Variants in BORCS5 observed in about 807,000 individuals in gnomAD.
BORCS5 encodes the protein BLOC-1 related complex subunit 5.
In BORCS5, 17 loss-of-function variants were observed where a neutral mutation model predicts 22.1. The ratio of observed to expected loss-of-function variants is 0.77; its 90% CI spans 0.53 to 1.15. BORCS5 has a LOEUF of 1.15. Among genes scored for constraint, BORCS5 ranks in the 50% most tolerant of loss-of-function variants. BORCS5 has a pLI of 0.00. For synonymous variants in BORCS5, 117 were observed against 99.8 expected (o/e 1.17, Z -1.03); for missense variants, 247 against 253.2 (o/e 0.98, Z 0.17).
At chr12:12,408,088 C>T (rs1333775901) in intron 2 of BORCS5, among the ~76,000 whole-genome samples, 1 of 152,178 alleles carries the variant, frequency 6.6e-6, no homozygotes, top group Non-Finnish European at 1.5e-5. Context: ...CTTCAGTTTA[C>T]CACAATTTTT....
chr12:12,405,705 A>G (rs1310278010), intron 2 of BORCS5, among the ~76,000 whole-genome samples: 3 of 152,228 alleles, frequency 2.0e-5, no homozygotes, highest in African/African-American at 4.8e-5. Flanking sequence ...TTAGTAAATT[A>G]TAATAATGTT....
chr12:12,424,178 G>C (rs541637621), intron 2 of BORCS5, among the ~76,000 whole-genome samples: 1 of 152,002 alleles, frequency 6.6e-6, no homozygotes, highest in African/African-American at 2.4e-5. Flanking sequence ...CAATGCATAC[G>C]GTTATCCACT....
At chr12:12,357,984 C>T (rs1476623580) in intron 1 of BORCS5, among the ~76,000 whole-genome samples, 3 of 152,188 alleles carry the variant, frequency 2.0e-5, no homozygotes, top group East Asian at 3.8e-4. Flanking sequence ...GCTTTTTCTT[C>T]TCAGAAGGTG....
intron 2 of BORCS5, among the ~76,000 whole-genome samples, chr12:12,368,509 A>G (rs376163658): frequency 6.6e-6 from 1 of 151,982 alleles, no homozygotes; most frequent in East Asian, 1.9e-4. Flanking sequence ...CAGTGGCACA[A>G]TCATAGCTCA....
intron 2 of BORCS5, among the ~76,000 whole-genome samples, chr12:12,409,141 G>T (rs28853875): frequency 0.33 from 50,402 of 151,656 alleles, 10,641 homozygotes; most frequent in African/African-American, 0.61. Flanking sequence ...GGTGTGAGGG[G>T]GCATCTCATT....
intron 3 of BORCS5, among the ~76,000 whole-genome samples, chr12:12,447,225 C>T (rs1219968083): frequency 2.0e-5 from 3 of 152,208 alleles, no homozygotes; most frequent in African/African-American, 4.8e-5. Flanking sequence ...TGTCCAGCCT[C>T]CACTCCTGCT....
At chr12:12,449,797 C>T (rs1178329659) in intron 3 of BORCS5, among the ~76,000 whole-genome samples, 1 of 152,184 alleles carries the variant, frequency 6.6e-6, no homozygotes, top group African/African-American at 2.4e-5. Flanking sequence ...CATTGTTTGT[C>T]ATTGTGCAAC....
chr12:12,378,244 C>T (rs1427162601), intron 2 of BORCS5, among the ~76,000 whole-genome samples: 2 of 151,904 alleles, frequency 1.3e-5, no homozygotes, highest in Non-Finnish European at 2.9e-5. Flanking sequence ...TGGTGGCGTG[C>T]GCCTGTAATC....
intron 3 of BORCS5, among the ~76,000 whole-genome samples, chr12:12,451,420 C>T (rs1219507133): frequency 6.6e-6 from 1 of 151,962 alleles, no homozygotes; most frequent in Non-Finnish European, 1.5e-5. Context: ...TACAAAACAC[C>T]AACACTTTAG....
intron 2 of BORCS5, among the ~76,000 whole-genome samples, chr12:12,417,732 T>C (rs1942006405): frequency 6.6e-6 from 1 of 152,148 alleles, no homozygotes; most frequent in East Asian, 1.9e-4. Flanking sequence ...CTTGGCTCAC[T>C]GCAACCTCTG....
intron 2 of BORCS5, among the ~76,000 whole-genome samples, chr12:12,424,943 C>T (rs987763517): frequency 2.0e-5 from 3 of 152,288 alleles, no homozygotes; most frequent in Middle Eastern, 6.8e-3. Context: ...CCCCTTTAAT[C>T]CTCTGAAAGT....
chr12:12,412,526 C>T (rs1941762249), intron 2 of BORCS5, among the ~76,000 whole-genome samples: 1 of 152,256 alleles, frequency 6.6e-6, no homozygotes, highest in African/African-American at 2.4e-5. Flanking sequence ...TTTTGTGGAA[C>T]ATTCAGGTTT....
intron 2 of BORCS5, among the ~76,000 whole-genome samples, chr12:12,369,393 T>C (rs2136026140): frequency 6.6e-6 from 1 of 152,328 alleles, no homozygotes; most frequent in East Asian, 1.9e-4. Context: ...TGCTTTTTAA[T>C]TGGTGTGTAA....
intron 2 of BORCS5, among the ~76,000 whole-genome samples, chr12:12,380,081 G>GAGCACATGCAACACTGA (rs1863743641): frequency 6.6e-6 from 1 of 151,316 alleles, no homozygotes; most frequent in Admixed American, 6.6e-5. Flanking sequence ...GAAGCAGTCA[G>GAGCACATGCAACACTGA]AGCACATGCA....
intron 2 of BORCS5, among the ~76,000 whole-genome samples, chr12:12,371,733 G>A (rs1285677146): frequency 6.6e-6 from 1 of 152,096 alleles, no homozygotes; most frequent in Non-Finnish European, 1.5e-5. Flanking sequence ...CCTGCTTTTT[G>A]TGGGACGCCA....
rs565943461 is a variant in BORCS5 at position 12,469,422 on chromosome 12, G to A, written c.*3646G>A. The A allele has an allele frequency of 2.6e-5, 4 of 152,324 alleles. No individual in the cohort carries two copies. Among genetic ancestry groups the A allele is most frequent in the South Asian group, 2.1e-4 (1 of 4,832 alleles). 9.4% of individuals were successfully genotyped at this position (152,324 alleles called of 1,614,324 possible). ...AAAGTTTGATTTTATGTATGTGTGC[G>A]TCTGTATATATGTTTCTGTATCCTG... On this transcript the variant is annotated 3_prime_UTR_variant, in exon 4 of 4. Coordinates refer to ENST00000314565, the MANE Select transcript of BORCS5 (RefSeq NM_058169.6).
chr12:12,388,209 T>A (rs1863924905), intron 2 of BORCS5, among the ~76,000 whole-genome samples: 1 of 151,336 alleles, frequency 6.6e-6, no homozygotes, highest in Admixed American at 6.6e-5. Flanking sequence ...CTGTATTTAT[T>A]ACTAGTCTAT....
chr12:12,412,844 G>A (rs1345298585), intron 2 of BORCS5, among the ~76,000 whole-genome samples: 3 of 150,378 alleles, frequency 2.0e-5, no homozygotes, highest in Non-Finnish European at 3.0e-5. Flanking sequence ...TCAAGAAAGG[G>A]TGTTGAATTT....
At chr12:12,413,200 T>TAAACAAGTGAACAAA (rs1941790972) in intron 2 of BORCS5, among the ~76,000 whole-genome samples, 4 of 72,306 alleles carry the variant, frequency 5.5e-5, no homozygotes, top group African/African-American at 2.7e-4. Flanking sequence ...AGGGAAGGTC[T>TAAACAAGTGAACAAA]GGTTTTCCTA....
Sources: allele counts gnomAD v4.1 joint callset (sites outside exome capture counted in the v4.1 genomes callset), GRCh38; gene constraint gnomAD v4.1.1; transcripts MANE v1.5; gene names NCBI Gene and HGNC (gene_info 2026-07-23, HGNC 2026-07-21).